EPS15: variants seen among roughly 807,000 people sequenced by gnomAD.
EPS15 encodes the protein epidermal growth factor receptor substrate 15.
In EPS15, 72 loss-of-function variants were observed where a neutral mutation model predicts 113.8. The observed-to-expected ratio is 0.63, with a 90% confidence interval of 0.52 to 0.77. The LOEUF (loss-of-function observed/expected upper bound fraction) is 0.77, where lower values mean the gene tolerates loss of function less well. Among genes scored for constraint, EPS15 ranks in the 30% least tolerant of loss-of-function variants. EPS15 has a pLI of 0.00. For synonymous variants in EPS15, 344 were observed against 363.4 expected (o/e 0.95, Z 0.61); for missense variants, 1,048 against 1,045.8 (o/e 1.00, Z -0.03).
At chr1:51,510,773 G>A (rs1308311701) in intron 1 of EPS15, among the ~76,000 whole-genome samples, 1 of 152,134 alleles carries the variant, frequency 6.6e-6, no homozygotes, top group African/African-American at 2.4e-5. Context: ...GTCAATCATG[G>A]CTCATGGCAG....
intron 20 of EPS15, among the ~76,000 whole-genome samples, chr1:51,395,582 A>T (rs533252451): frequency 1.2e-4 from 19 of 152,304 alleles, no homozygotes; most frequent in African/African-American, 4.6e-4. Context: ...TGCTTTCAAC[A>T]ATAAGCTATG....
intron 2 of EPS15, 74 bp from the exon 3 acceptor site, chr1:51,473,022 T>A: frequency 8.7e-7 from 1 of 1,143,144 alleles, no homozygotes; most frequent in South Asian, 1.3e-5. Flanking sequence ...CTGCCTTCCA[T>A]CCCTGTGATT....
intron 4 of EPS15, 62 bp downstream of exon 4, chr1:51,471,628 T>A (rs1481252879): frequency 3.1e-6 from 4 of 1,307,644 alleles, no homozygotes; most frequent in Non-Finnish European, 4.4e-6. Context: ...AAGAAAACCC[T>A]GCTGGCTATT....
chr1:51,482,828 G>T (rs1419287821), intron 1 of EPS15, among the ~76,000 whole-genome samples: 2 of 151,908 alleles, frequency 1.3e-5, no homozygotes, highest in African/African-American at 4.8e-5. Flanking sequence ...GAAGAGAAGG[G>T]TATGGCTTGA....
chr1:51,402,930 GGTAAT>G (rs1405121988), intron 17 of EPS15, among the ~76,000 whole-genome samples: 13 of 152,212 alleles, frequency 8.5e-5, no homozygotes, highest in African/African-American at 3.1e-4. Flanking sequence ...ATCAACTGAT[GGTAAT>G]GTAACAAATA....
intron 1 of EPS15, among the ~76,000 whole-genome samples, chr1:51,490,889 T>C (rs1644220837): frequency 6.6e-6 from 1 of 152,234 alleles, no homozygotes; most frequent in African/African-American, 2.4e-5. Flanking sequence ...CTGTGGGTTA[T>C]ACCAATGTCA....
At position 51,423,225 on chromosome 1, in the gene EPS15, G is replaced by A. The variant is rs568360984; in HGVS notation, c.1041-1367C>T. 1.5e-5 allele frequency: 19 copies of A among 1,288,798 alleles called. No individual in the cohort carries two copies. In the Admixed American group the frequency reaches 2.3e-4, roughly 16 times the overall value. The allele number at this position is 1,288,798 out of a possible 1,614,324, so 79.8% of individuals were successfully genotyped here. A position where few individuals can be genotyped will look rare whatever the true frequency, so the allele number is the denominator to read the frequency against. On this transcript the variant is annotated intron_variant, in intron 12 of 24. Transcript: ENST00000371733. Reference sequence around the variant, plus strand: ...TCACTAACCGTTTGTCAGATGGGTCGCAATGTGGGTCGCGATGTTGTGATT... The same window carrying A: ...TCACTAACCGTTTGTCAGATGGGTCACAATGTGGGTCGCGATGTTGTGATT...
At chr1:51,493,157 T>G (rs917646724) in intron 1 of EPS15, among the ~76,000 whole-genome samples, 1 of 152,112 alleles carries the variant, frequency 6.6e-6, no homozygotes, top group South Asian at 2.1e-4. Flanking sequence ...GTCAGGAGAT[T>G]GAAACCATCC....
intron 2 of EPS15, among the ~76,000 whole-genome samples, chr1:51,473,240 A>G (rs1272937018): frequency 6.6e-6 from 1 of 152,224 alleles, no homozygotes; most frequent in Non-Finnish European, 1.5e-5. Flanking sequence ...ACATCAACAC[A>G]TATCTTCTAT....
At position 51,463,733 on chromosome 1, in the gene EPS15, A is replaced by G; in HGVS notation, c.441T>C (p.Ser147=). Reference sequence around the variant, plus strand: ...GCAACACTGGTTTCACTTTATCACCAGACAGAAATCCATTCACTGGGCTTA... The same window carrying G: ...GCAACACTGGTTTCACTTTATCACCGGACAGAAATCCATTCACTGGGCTTA... ...DSLSPVNGFL[S]GDKVKPVLLN... Residue 147 remains serine, a synonymous_variant, in exon 7 of 25, where the codon TCT becomes TCC. Transcript: ENST00000371733. 6.2e-7 allele frequency: 1 copy of G among 1,602,534 alleles called. No individual in the cohort carries two copies.
chr1:51,414,416 CA>C (rs879744964), intron 13 of EPS15, among the ~76,000 whole-genome samples: 44 of 131,226 alleles, frequency 3.4e-4, no homozygotes, highest in Admixed American at 3.1e-4. Context: ...AACTCCATCT[CA>C]AAAAAAAAAA....
intron 19 of EPS15, among the ~76,000 whole-genome samples, chr1:51,400,072 T>C (rs747317939): frequency 2.6e-5 from 4 of 152,220 alleles, no homozygotes; most frequent in Non-Finnish European, 5.9e-5. Context: ...TAAAAACTTC[T>C]AAATGTATTT....
chr1:51,380,132 G>C (rs1350293211), intron 21 of EPS15, among the ~76,000 whole-genome samples: 1 of 151,766 alleles, frequency 6.6e-6, no homozygotes. Flanking sequence ...GCTGAAGCAG[G>C]AGAATCGCCT....
chr1:51,401,473 A>G (rs531553718), intron 18 of EPS15, among the ~76,000 whole-genome samples: 2 of 152,348 alleles, frequency 1.3e-5, no homozygotes, highest in South Asian at 4.1e-4. Context: ...TACAAAAATA[A>G]ACTCAAAATG....
At chr1:51,429,957 G>C (rs931410007) in intron 12 of EPS15, among the ~76,000 whole-genome samples, 2 of 151,960 alleles carry the variant, frequency 1.3e-5, no homozygotes, top group African/African-American at 2.4e-5. Context: ...AGCCAAGACA[G>C]ACTTTCAATA....
At chr1:51,441,932 A>G (rs1052243641) in intron 11 of EPS15, among the ~76,000 whole-genome samples, 1 of 152,154 alleles carries the variant, frequency 6.6e-6, no homozygotes, top group Non-Finnish European at 1.5e-5. Flanking sequence ...AGGTACATCA[A>G]TAAAATTTGG....
chr1:51,438,081 T>A (rs1259686701), intron 12 of EPS15, among the ~76,000 whole-genome samples: 1 of 152,306 alleles, frequency 6.6e-6, no homozygotes, highest in East Asian at 1.9e-4. Flanking sequence ...TTTTAACAAC[T>A]ATAATTTTAG....
intron 1 of EPS15, among the ~76,000 whole-genome samples, chr1:51,510,627 T>G (rs1644602803): frequency 6.6e-6 from 1 of 151,942 alleles, no homozygotes; most frequent in Admixed American, 6.6e-5. Flanking sequence ...CACACTAAGT[T>G]TCCAAACTAC....
At chr1:51,430,996 A>G (rs1651674780) in intron 12 of EPS15, among the ~76,000 whole-genome samples, 2 of 147,712 alleles carry the variant, frequency 1.4e-5, no homozygotes, top group South Asian at 4.2e-4. Flanking sequence ...ACACACACAC[A>G]CACACACACA....
Sources: allele counts gnomAD v4.1 joint callset (sites outside exome capture counted in the v4.1 genomes callset), GRCh38; gene constraint gnomAD v4.1.1; transcripts MANE v1.5; gene names NCBI Gene and HGNC (gene_info 2026-07-23, HGNC 2026-07-21).